MYO7B: variants seen among roughly 807,000 people sequenced by gnomAD.
The protein encoded by MYO7B is unconventional myosin-VIIb.
MYO7B carries 212 observed loss-of-function variants against 259.7 expected under a neutral mutation model. That is an observed-to-expected ratio of 0.82 (90% CI 0.73 to 0.91). MYO7B has a LOEUF of 0.91. Among genes scored for constraint, MYO7B ranks in the 40% least tolerant of loss-of-function variants. The pLI, the probability that MYO7B is intolerant of heterozygous loss-of-function variation, is 0.00. For synonymous variants in MYO7B, 1,197 were observed against 1,166.4 expected (o/e 1.03, Z -0.54); for missense variants, 2,732 against 2,813.5 (o/e 0.97, Z 0.66).
In MYO7B at chr2:127,628,659, G is replaced by T. The variant is rs1159552053; in HGVS notation, c.4624+124G>T. On this transcript the variant is annotated intron_variant, in intron 34 of 47. Coordinates refer to ENST00000409816, the MANE Select transcript of MYO7B (RefSeq NM_001393586.1). The surrounding 1 kb of genome is among the most constrained non-coding windows in gnomAD (Gnocchi z 4.8). ...CACAAGGCAAGCAGAGGGAGGGAAG[G>T]CCCCAAAGCTCTGTGGGGGCAGCTT... 10 of 1,068,330 alleles carry T rather than the reference G, an allele frequency of 9.4e-6. No individual in the cohort carries two copies. Among genetic ancestry groups the T allele is most frequent in the Admixed American group, 4.7e-5 (2 of 42,160 alleles). 66.2% of individuals were successfully genotyped at this position (1,068,330 alleles called of 1,614,324 possible).
At chr2:127,633,088 G>C (rs371277912) in intron 39 of MYO7B, among the ~76,000 whole-genome samples, 170 bp from the exon 40 acceptor site, 1 of 152,318 alleles carries the variant, frequency 6.6e-6, no homozygotes, top group African/African-American at 2.4e-5. Flanking sequence ...CTGAGGCCGC[G>C]TGGAGCCAGG....
At chr2:127,612,747 T>C in intron 26 of MYO7B, 144 bp downstream of exon 26, 1 of 1,310,672 alleles carries the variant, frequency 7.6e-7, no homozygotes, top group Non-Finnish European at 1.0e-6. Context: ...ACAGCAGATG[T>C]CATAGCTACC....
At position 127,629,506 on chromosome 2, in the gene MYO7B, C is replaced by A. The variant is rs979327314; in HGVS notation, c.4625-139C>A. The A allele has an allele frequency of 3.9e-6, 3 of 770,790 alleles. No individual in the cohort carries two copies. In the Admixed American group the frequency reaches 1.0e-4, roughly 26 times the overall value. The allele number at this position is 770,790 out of a possible 1,614,324, so 47.7% of individuals were successfully genotyped here. ...GAGGCCCCTGAGGTTCCAGTCCCAC[C>A]ATCGCTCACTCTTGGAGTGGTCTTC... On this transcript the variant is annotated intron_variant, in intron 34 of 47. Coordinates refer to ENST00000409816, the MANE Select transcript of MYO7B (RefSeq NM_001393586.1).
In MYO7B at chr2:127,627,090, C is replaced by T; in HGVS notation, c.4331C>T (p.Ser1444Leu). 1 of 1,610,016 alleles carries T rather than the reference C, an allele frequency of 6.2e-7. No individual in the cohort carries two copies. The highest frequency in any genetic ancestry group is 8.5e-7 in the Non-Finnish European group (1 of 1,178,530). Residue 1444 changes from serine to leucine, a missense_variant and splice_region_variant, in exon 32 of 48, where the codon TCA (serine) becomes TTA (leucine). By Grantham distance (145) the Ser-to-Leu change is moderately radical. Transcript: ENST00000409816. This position sits in a 1 kb window ranked among gnomAD's most constrained non-coding sequence, Gnocchi z 5.6. ...CGGCTCTTCGAAGTCATCACACTCT[C>T]AGGTAATGGCATCTGACAGGGGGCA... ...FSRLFEVITLSGPRLPKTQLI... is the reference protein window; with the variant it reads ...FSRLFEVITLLGPRLPKTQLI...
chr2:127,572,296 A>G (rs1251454009), intron 6 of MYO7B, among the ~76,000 whole-genome samples: 2 of 152,084 alleles, frequency 1.3e-5, no homozygotes, highest in African/African-American at 4.8e-5. Context: ...GCATGCGCCT[A>G]TAATCCCATC....
At chr2:127,564,961 C>T (rs965460246) in intron 3 of MYO7B, among the ~76,000 whole-genome samples, 1 of 152,120 alleles carries the variant, frequency 6.6e-6, no homozygotes, top group African/African-American at 2.4e-5. Context: ...TCCTTTGTCC[C>T]TGGTCTGAAA....
chr2:127,566,604 C>T, intron 4 of MYO7B, 39 bp from the exon 5 acceptor site: 1 of 1,512,466 alleles, frequency 6.6e-7, no homozygotes, highest in Non-Finnish European at 8.8e-7. Flanking sequence ...AGTACCTCTG[C>T]CAGGGGCAGA....
chr2:127,599,619 A>G (rs1302670457), intron 19 of MYO7B, among the ~76,000 whole-genome samples: 1 of 152,196 alleles, frequency 6.6e-6, no homozygotes, highest in Non-Finnish European at 1.5e-5. Flanking sequence ...AAACACTCAG[A>G]CTTTAACCAT....
intron 24 of MYO7B, 142 bp from the exon 25 acceptor site, chr2:127,612,108 A>G (rs1680407874): frequency 7.2e-6 from 3 of 415,662 alleles, no homozygotes; most frequent in Non-Finnish European, 1.5e-5. Flanking sequence ...TACCAAGCTG[A>G]GGGACTGCAT....
chr2:127,627,433 C>T lies in MYO7B; in HGVS notation c.4460+123C>T. The T allele has an allele frequency of 7.5e-7, 1 of 1,333,028 alleles. No homozygotes were observed. The highest frequency in any genetic ancestry group is 1.0e-6 in the Non-Finnish European group (1 of 962,178). 82.6% of individuals were successfully genotyped at this position (1,333,028 alleles called of 1,614,324 possible). A position where few individuals can be genotyped will look rare whatever the true frequency, so the allele number is the denominator to read the frequency against. On this transcript the variant is annotated intron_variant, in intron 33 of 47. Coordinates refer to ENST00000409816, the MANE Select transcript of MYO7B (RefSeq NM_001393586.1). This position sits in a 1 kb window ranked among gnomAD's most constrained non-coding sequence, Gnocchi z 5.6. ...CGGGTAACAGGCCGGGGTGGAGGGA[C>T]AAGAATCTACGTATGCGATGGCTTC...
intron 28 of MYO7B, 114 bp downstream of exon 28, chr2:127,622,215 C>T (rs906612104): frequency 1.5e-6 from 2 of 1,368,202 alleles, no homozygotes; most frequent in Non-Finnish European, 1.9e-6. Context: ...CCTCTGAGCC[C>T]CGCCATCTCC....
chr2:127,555,547 C>T (rs2104832687), intron 1 of MYO7B, among the ~76,000 whole-genome samples: 1 of 152,270 alleles, frequency 6.6e-6, no homozygotes, highest in African/African-American at 2.4e-5. Context: ...TATAAACTTT[C>T]CTCTTAGCAT....
Position 127,627,051 on chromosome 2 carries a change from C to G in MYO7B, c.4292C>G (p.Pro1431Arg), listed in dbSNP as rs762488567. The G allele has an allele frequency of 6.2e-7, 1 of 1,612,036 alleles. No individual in the cohort carries two copies. The highest frequency in any genetic ancestry group is 1.7e-5 in the Admixed American group (1 of 59,870). The stretch of plus-strand genomic sequence containing the variant: ...GTGGACGCCGCCCGCCTGCAGTGGC[C>G]GCTGCTCTTCTCCCGGCTCTTCGAA... Reference protein sequence around the residue: ...QVVDAARLQWPLLFSRLFEVI... With the variant: ...QVVDAARLQWRLLFSRLFEVI... Residue 1431 changes from proline to arginine, a missense_variant, in exon 32 of 48, where the codon CCG becomes CGG. By Grantham distance (103) the Pro-to-Arg change is moderately radical. This residue lies in a region of MYO7B where 1,906 missense variants were observed against 2,026.4 expected (regional missense o/e 0.94). Coordinates refer to ENST00000409816, the MANE Select transcript of MYO7B (RefSeq NM_001393586.1). The surrounding 1 kb of genome is among the most constrained non-coding windows in gnomAD (Gnocchi z 5.6).
At chr2:127,592,702 C>T in intron 16 of MYO7B, 92 bp from the exon 17 acceptor site, 1 of 1,497,584 alleles carries the variant, frequency 6.7e-7, no homozygotes, top group South Asian at 1.3e-5. Flanking sequence ...TGACCTCTGG[C>T]TGTGGGCCCG....
chr2:127,566,675 C>T lies in MYO7B; in HGVS notation c.318C>T (p.Asn106=), dbSNP rs748465438. The change falls in exon 5 of 48, where the codon AAC becomes AAT. Residue 106 remains asparagine, a synonymous_variant. Coordinates refer to ENST00000409816, the MANE Select transcript of MYO7B (RefSeq NM_001393586.1). ...CAGGCTCCATCCTGGTGGCCGTCAA[C>T]CCGTTCCAGGTGCTGCCGCTCTACA... ...TYTGSILVAV[N]PFQVLPLYTL... 1.2e-6 allele frequency: 2 copies of T among 1,601,938 alleles called. No homozygotes were observed. Among genetic ancestry groups the T allele is most frequent in the Non-Finnish European group, 8.5e-7 (1 of 1,175,160 alleles).
intron 2 of MYO7B, among the ~76,000 whole-genome samples, chr2:127,560,287 A>G (rs1005388787): frequency 6.6e-6 from 1 of 152,246 alleles, no homozygotes. Flanking sequence ...TTGGCCTCCC[A>G]AAGTGCTGGG....
At chr2:127,562,778 A>T (rs1408647410) in intron 2 of MYO7B, among the ~76,000 whole-genome samples, 2 of 151,742 alleles carry the variant, frequency 1.3e-5, no homozygotes, top group Non-Finnish European at 2.9e-5. Context: ...GAGCCACCAC[A>T]CCCAGCCAAT....
rs902144235 is a variant in MYO7B, at chr2:127,584,583, C to T, written c.1555-195C>T. 9.9e-5 allele frequency among the ~76,000 whole-genome samples: 15 copies of T among 152,122 alleles called. No individual in the cohort carries two copies. The highest frequency in any genetic ancestry group is 3.4e-4 in the African/African-American group (14 of 41,422). On this transcript the variant is annotated intron_variant, in intron 13 of 47. Transcript: ENST00000409816. The surrounding 1 kb of genome is among the most constrained non-coding windows in gnomAD (Gnocchi z 5.8). ...AGCTGGTGGTGGAGGGCGGCAGACC[C>T]GGCCTCTGCTCCCAGCTCAGCCCTC... is the stretch of plus-strand genomic sequence containing the variant.
rs769391741 is a variant in MYO7B, at chr2:127,590,195, G to A, written c.1958G>A (p.Arg653His). ...ACCAACTGCCAGCCTTACTTCATCC[G>A]CTGCATCAAACCTAATGAGTACAAG... Reference protein sequence around the residue: ...ILTNCQPYFIRCIKPNEYKKP... With the variant: ...ILTNCQPYFIHCIKPNEYKKP... Residue 653 changes from arginine to histidine, a missense_variant, in exon 16 of 48, where the codon CGC (arginine) becomes CAC (histidine). Transcript: ENST00000409816. This position sits in a 1 kb window ranked among gnomAD's most constrained non-coding sequence, Gnocchi z 4.6. 10 of 1,612,782 alleles carry A rather than the reference G, an allele frequency of 6.2e-6. No individual in the cohort carries two copies. The highest frequency in any genetic ancestry group is 2.2e-5 in the East Asian group (1 of 44,902).
Sources: gnomAD v4.1 joint callset for allele counts (sites outside exome capture counted in the v4.1 genomes callset) on GRCh38, gnomAD v4.1.1 for gene constraint, gnomAD v4.1.1 regional missense constraint, Gnocchi (gnomAD v3.1) non-coding constraint, MANE v1.5 for transcripts, NCBI Gene and HGNC (gene_info 2026-07-23, HGNC 2026-07-21) for gene names.